ECPAS: variants seen among roughly 807,000 people sequenced by gnomAD.
ECPAS encodes Ecm29 proteasome adaptor and scaffold, also known as proteasome adapter and scaffold protein ECM29.
ECPAS carries 70 observed loss-of-function variants against 255.1 expected under a neutral mutation model. That is an observed-to-expected ratio of 0.27 (90% CI 0.23 to 0.33). The LOEUF is 0.33. Ranked by LOEUF, ECPAS falls within the 10% of genes least tolerant of loss-of-function variation. The pLI, the probability that ECPAS is intolerant of heterozygous loss-of-function variation, is 1.00. For missense variants in ECPAS, 1,817 were observed against 2,206.4 expected, an observed-to-expected ratio of 0.82 and a Z score of 3.54; for synonymous variants, 784 against 775.0, an observed-to-expected ratio of 1.01 and a Z score of -0.19.
intron 5 of ECPAS, among the ~76,000 whole-genome samples, chr9:111,441,573 G>A (rs574316011): frequency 6.6e-6 from 1 of 151,956 alleles, no homozygotes; most frequent in South Asian, 2.1e-4. Context: ...TTAATATTTT[G>A]AATACAACAT....
At position 111,378,587 on chromosome 9, in the gene ECPAS, T is replaced by C; in HGVS notation, c.3947A>G (p.Gln1316Arg). 6.2e-7 allele frequency: 1 copy of C among 1,613,230 alleles called. No individual in the cohort carries two copies. The highest frequency in any genetic ancestry group is 8.5e-7 in the Non-Finnish European group (1 of 1,179,398). The stretch of plus-strand genomic sequence containing the variant: ...CCTGCGCTATCCACTCACCTTTTCT[T>C]GCTCTGTCGCCCGGAGGCTCAAATA... ...LNYLSLRATE[Q>R]EKAAMDSARL... is the part of the protein sequence containing the mutation. Residue 1316 changes from glutamine to arginine, a missense_variant, in exon 36 of 50, where the codon CAA becomes CGA. This residue lies in a region of ECPAS where 960 missense variants were observed against 1,179.0 expected (regional missense o/e 0.81). Coordinates refer to ENST00000684092, the MANE Select transcript of ECPAS (RefSeq NM_001364929.1).
intron 4 of ECPAS, among the ~76,000 whole-genome samples, chr9:111,443,120 G>T (rs117028152): frequency 1.3e-5 from 2 of 152,150 alleles, no homozygotes; most frequent in Admixed American, 6.5e-5. Context: ...AAACATTTTT[G>T]ATCCCAAGCA....
Position 111,484,260 on chromosome 9 carries a change from C to A in ECPAS, c.-227G>T. On this transcript the variant is annotated 5_prime_UTR_variant, in exon 1 of 50. Transcript: ENST00000684092. ...GGCTGGGCCGAGCGGGCCCGGGCTG[C>A]CCTAGCGGCCGGGGGAAATCCTCGA... 1 of 1,500,502 alleles carries A rather than the reference C, an allele frequency of 6.7e-7. No individual in the cohort carries two copies. The highest frequency in any genetic ancestry group is 8.9e-7 in the Non-Finnish European group (1 of 1,128,716). The allele number at this position is 1,500,502 out of a possible 1,614,324, so 92.9% of individuals were successfully genotyped here.
intron 1 of ECPAS, among the ~76,000 whole-genome samples, chr9:111,479,979 T>C (rs1276309544): frequency 1.0e-5 from 1 of 99,964 alleles, no homozygotes; most frequent in Non-Finnish European, 2.0e-5. Context: ...AAACTCCGTC[T>C]CAAAAAAAAA....
At chr9:111,457,176 G>T (rs2098267938) in intron 2 of ECPAS, among the ~76,000 whole-genome samples, 1 of 152,064 alleles carries the variant, frequency 6.6e-6, no homozygotes, top group African/African-American at 2.4e-5. Context: ...TCAATGAAGT[G>T]GTAGAGAAAA....
chr9:111,435,440 A>G (rs1254220184), intron 7 of ECPAS, among the ~76,000 whole-genome samples: 3 of 152,178 alleles, frequency 2.0e-5, no homozygotes, highest in Non-Finnish European at 2.9e-5. Flanking sequence ...TAATTGAACA[A>G]TAACAATTTT....
At chr9:111,453,197 T>C (rs1258447737) in intron 2 of ECPAS, among the ~76,000 whole-genome samples, 1 of 151,998 alleles carries the variant, frequency 6.6e-6, no homozygotes, top group Non-Finnish European at 1.5e-5. Context: ...CAGTGAGCCA[T>C]GATGATGCCA....
At chr9:111,389,523 G>A (rs1396924473) in intron 31 of ECPAS, 33 bp downstream of exon 31, 73 of 1,596,830 alleles carry the variant, frequency 4.6e-5, no homozygotes, top group Non-Finnish European at 6.1e-5. Context: ...AGTCTACAGT[G>A]TTTTCCTAAC....
chr9:111,446,954 C>T (rs2098253902), intron 3 of ECPAS, among the ~76,000 whole-genome samples: 1 of 152,108 alleles, frequency 6.6e-6, no homozygotes. Context: ...ATCTGTGATA[C>T]CGCTAGGCGA....
intron 1 of ECPAS, among the ~76,000 whole-genome samples, chr9:111,475,840 T>C (rs1037232630): frequency 2.0e-5 from 3 of 152,202 alleles, no homozygotes; most frequent in Admixed American, 6.5e-5. Flanking sequence ...AACTTTCCTA[T>C]TTGGTTAAGT....
At position 111,389,533 on chromosome 9, in the gene ECPAS, C is replaced by T. The variant is rs761160963; in HGVS notation, c.3447+23G>A. On this transcript the variant is annotated intron_variant, in intron 31 of 49. Transcript: ENST00000684092. ...TGGACAGTCTACAGTGTTTTCCTAA[C>T]ACAGGGGTTCACAGACACTTACCAT... is the stretch of plus-strand genomic sequence containing the variant. 1.5e-4 allele frequency: 234 copies of T among 1,603,704 alleles called. 2 individuals are homozygous for T. The South Asian group carries it at 2.5e-3, about 17-fold the overall frequency.
Position 111,411,138 on chromosome 9 carries a change from G to T in ECPAS, c.2219C>A (p.Pro740Gln). ...LIKTTKDNHSPEIQHGSLLAL... is the reference protein window; with the variant it reads ...LIKTTKDNHSQEIQHGSLLAL... ...AAGCAAGGATCCATGCTGTATCTCC[G>T]GGCTCTGAATTTAGCAAAAACAATA... The change falls in exon 22 of 50, where the codon CCG becomes CAG. Residue 740 changes from proline to glutamine, a missense_variant. By Grantham distance (76) the Pro-to-Gln change is moderately conservative. Around this residue, in one of 4 missense-constraint regions of ECPAS, gnomAD observed 194 missense variants for 152.8 expected, o/e 1.27. Transcript: ENST00000684092. 2 of 1,612,838 alleles carry T rather than the reference G, an allele frequency of 1.2e-6. No homozygotes were observed. The highest frequency in any genetic ancestry group is 4.5e-5 in the East Asian group (2 of 44,844).
chr9:111,440,407 CA>C lies in ECPAS; in HGVS notation c.503del (p.Leu168TrpfsTer5). The C allele has an allele frequency of 6.2e-7, 1 of 1,612,912 alleles. No homozygotes were observed. ...TCAGAAGGACATCTAGCATGAAGTC[CA>C]AAAGCAGCTGCACAGTCTTTGGTTT... ...AEKPKTVQLL[L>X]DFMLDVLLMP... On this transcript the variant is annotated frameshift_variant, in exon 6 of 50. Transcript: ENST00000684092. LOFTEE classifies it high-confidence loss of function.
chr9:111,452,931 C>T (rs1213237023), intron 2 of ECPAS, among the ~76,000 whole-genome samples: 1 of 152,112 alleles, frequency 6.6e-6, no homozygotes, highest in East Asian at 1.9e-4. Context: ...CCTGAAGCGT[C>T]TTGTAGTGCC....
chr9:111,432,715 A>G (rs950588856), intron 8 of ECPAS, among the ~76,000 whole-genome samples: 4 of 152,196 alleles, frequency 2.6e-5, no homozygotes, highest in African/African-American at 9.6e-5. Context: ...TTTTTCATTG[A>G]CTTCATTCAT....
At chr9:111,397,285 G>C in intron 24 of ECPAS, 132 bp from the exon 25 acceptor site, 1 of 1,076,442 alleles carries the variant, frequency 9.3e-7, no homozygotes, top group African/African-American at 1.6e-5. Context: ...GTTTGCTTTC[G>C]GCTAATTCAA....
intron 45 of ECPAS, 97 bp downstream of exon 45, chr9:111,370,338 C>A (rs2098125806): frequency 1.0e-5 from 8 of 776,244 alleles, no homozygotes; most frequent in Non-Finnish European, 1.6e-5. Context: ...CTACTTGCAG[C>A]TAAACTAATC....
intron 2 of ECPAS, among the ~76,000 whole-genome samples, chr9:111,460,983 G>A (rs1272052791): frequency 6.6e-6 from 1 of 152,100 alleles, no homozygotes; most frequent in Non-Finnish European, 1.5e-5. Context: ...GGGCAACACA[G>A]GAAGATACTA....
intron 2 of ECPAS, 113 bp from the exon 3 acceptor site, chr9:111,451,668 T>G (rs2098260448): frequency 1.1e-6 from 1 of 940,168 alleles, no homozygotes; most frequent in African/African-American, 1.7e-5. Context: ...GTCAGGACTT[T>G]AACCACAGCT....
Sources: gnomAD v4.1 joint callset for allele counts (sites outside exome capture counted in the v4.1 genomes callset) on GRCh38, gnomAD v4.1.1 for gene constraint, gnomAD v4.1.1 regional missense constraint, MANE v1.5 for transcripts, NCBI Gene and HGNC (gene_info 2026-07-23, HGNC 2026-07-21) for gene names.